The following SLC35F5 variants were observed in gnomAD, a reference collection of about 807,000 sequenced individuals.
The protein encoded by SLC35F5 is HCV NS5A-transactivated protein 3.
A neutral mutation model predicts 68.6 loss-of-function variants in SLC35F5; 54 were observed. The observed-to-expected ratio is 0.79, with a 90% CI of 0.63 to 0.99. SLC35F5 has a LOEUF of 0.99. Among genes scored for constraint, SLC35F5 ranks in the 50% least tolerant of loss-of-function variants. SLC35F5 has a pLI of 0.00. For synonymous variants in SLC35F5, 211 were observed against 205.2 expected (o/e 1.03, Z -0.24); for missense variants, 567 against 626.9 (o/e 0.90, Z 1.02).
At chr2:113,722,400 CA>C (rs1687480557) in intron 13 of SLC35F5, among the ~76,000 whole-genome samples, 1 of 152,146 alleles carries the variant, frequency 6.6e-6, no homozygotes, top group Non-Finnish European at 1.5e-5. Context: ...CACACACACA[CA>C]CACACATACT....
rs571192194 is a variant in SLC35F5 at position 113,726,758 on chromosome 2, C to T, written c.1091-1221G>A. Among the ~76,000 whole-genome samples the T allele has an allele frequency of 3.9e-5, 6 of 152,310 alleles. No homozygotes were observed. The South Asian group carries it at 1.0e-3, about 26-fold the overall frequency. On this transcript the variant is annotated intron_variant, in intron 11 of 15. Coordinates refer to ENST00000245680, the MANE Select transcript of SLC35F5 (RefSeq NM_025181.5). ...CTTTACGAGGCCAGCCATCACGACT[C>T]AAGGCCCAGACATATTAGCTGCTCT... is the stretch of plus-strand genomic sequence containing the variant.
intron 9 of SLC35F5, among the ~76,000 whole-genome samples, chr2:113,733,953 G>A (rs577420166): frequency 4.6e-5 from 7 of 152,114 alleles, no homozygotes; most frequent in Non-Finnish European, 8.8e-5. Context: ...TTTCAATACT[G>A]TCTATGGGCA....
Position 113,714,766 on chromosome 2 carries a change from C to T in SLC35F5, c.*452G>A, listed in dbSNP as rs1203324041. 1 of 152,370 alleles carries T rather than the reference C, an allele frequency of 6.6e-6. No homozygotes were observed. The highest frequency in any genetic ancestry group is 2.4e-5 in the African/African-American group (1 of 41,438). The allele number at this position is 152,370 out of a possible 1,614,324, so 9.4% of individuals were successfully genotyped here. A position where few individuals can be genotyped will look rare whatever the true frequency, so the allele number is the denominator to read the frequency against. ...CTACAAAACCCAAAAATATAATCCA[C>T]ACTTATTACAGGTAGCTTATTTTAG... On this transcript the variant is annotated 3_prime_UTR_variant, in exon 16 of 16. Transcript: ENST00000245680.
chr2:113,723,035 C>T, intron 13 of SLC35F5, 69 bp downstream of exon 13: 7 of 1,056,116 alleles, frequency 6.6e-6, no homozygotes, highest in Non-Finnish European at 8.0e-6. Flanking sequence ...TTAATCACAT[C>T]TCAACTTTCA....
At chr2:113,717,957 G>T (rs1687242809) in intron 14 of SLC35F5, 107 bp from the exon 15 acceptor site, 2 of 667,332 alleles carry the variant, frequency 3.0e-6, no homozygotes, top group East Asian at 5.6e-5. Context: ...ATGCAAGTCA[G>T]TGGCAGAACC....
At chr2:113,720,959 C>T (rs915155339) in intron 13 of SLC35F5, among the ~76,000 whole-genome samples, 1 of 152,040 alleles carries the variant, frequency 6.6e-6, no homozygotes, top group Non-Finnish European at 1.5e-5. Flanking sequence ...TTTATTACAA[C>T]AAAGAAAATT....
chr2:113,734,867 C>T (rs1343597833), intron 8 of SLC35F5, among the ~76,000 whole-genome samples, 194 bp from the exon 9 acceptor site: 2 of 152,110 alleles, frequency 1.3e-5, no homozygotes. Flanking sequence ...ATAAAATAGC[C>T]TCCAAACTAA....
chr2:113,717,019 C>A (rs1374984473), intron 15 of SLC35F5, among the ~76,000 whole-genome samples: 1 of 152,112 alleles, frequency 6.6e-6, no homozygotes, highest in Non-Finnish European at 1.5e-5. Context: ...ATATAAATTG[C>A]CTAAAGATGT....
Position 113,756,631 on chromosome 2 carries a change from G to C in SLC35F5, c.-222C>G, listed in dbSNP as rs1677007658. The stretch of plus-strand genomic sequence containing the variant: ...GGCACAGTCAGCTATGGCCGCGGAG[G>C]CCCGGAGATCTGCTCTGGCCCCGGC... On this transcript the variant is annotated 5_prime_UTR_variant, in exon 1 of 16. Transcript: ENST00000245680. The C allele has an allele frequency of 7.9e-7, 1 of 1,272,048 alleles. No individual in the cohort carries two copies. Among genetic ancestry groups the C allele is most frequent in the Admixed American group, 3.2e-5 (1 of 31,096 alleles). 78.8% of individuals were successfully genotyped at this position (1,272,048 alleles called of 1,614,324 possible). A position where few individuals can be genotyped will look rare whatever the true frequency, so the allele number is the denominator to read the frequency against.
chr2:113,735,438 A>T (rs1436752736), intron 8 of SLC35F5, among the ~76,000 whole-genome samples: 1 of 152,202 alleles, frequency 6.6e-6, no homozygotes, highest in Non-Finnish European at 1.5e-5. Context: ...TAGGCTACCA[A>T]CTTATATGGC....
At chr2:113,735,733 A>G (rs1204222997) in intron 8 of SLC35F5, 44 bp downstream of exon 8, 2 of 1,309,682 alleles carry the variant, frequency 1.5e-6, no homozygotes, top group Non-Finnish European at 1.1e-6. Flanking sequence ...CCAGAAATAC[A>G]TACACTGATT....
At chr2:113,731,847 T>C (rs1687908589) in intron 9 of SLC35F5, among the ~76,000 whole-genome samples, 199 bp from the exon 10 acceptor site, 1 of 152,188 alleles carries the variant, frequency 6.6e-6, no homozygotes, top group South Asian at 2.1e-4. Flanking sequence ...CATTTAATCC[T>C]CACAAAATGT....
chr2:113,727,267 C>T (rs970757690), intron 11 of SLC35F5, among the ~76,000 whole-genome samples: 3 of 152,104 alleles, frequency 2.0e-5, no homozygotes, highest in Admixed American at 1.3e-4. Context: ...GTCAATTAAA[C>T]CTCTTTTGTT....
chr2:113,756,504 A>T lies in SLC35F5; in HGVS notation c.-95T>A, dbSNP rs1676999713. On this transcript the variant is annotated 5_prime_UTR_variant, in exon 1 of 16. Coordinates refer to ENST00000245680, the MANE Select transcript of SLC35F5 (RefSeq NM_025181.5). Reference sequence around the variant, plus strand: ...CGCGCCTGACATCGCGCCGCACTGGAGGCCCAGCTCCTGAAGACGCGGTGC... The same window carrying T: ...CGCGCCTGACATCGCGCCGCACTGGTGGCCCAGCTCCTGAAGACGCGGTGC... 1 of 1,515,324 alleles carries T rather than the reference A, an allele frequency of 6.6e-7. No homozygotes were observed. The highest frequency in any genetic ancestry group is 8.8e-7 in the Non-Finnish European group (1 of 1,135,760). The allele number at this position is 1,515,324 out of a possible 1,614,324, so 93.9% of individuals were successfully genotyped here.
chr2:113,726,744 C>A (rs1241076710), intron 11 of SLC35F5, among the ~76,000 whole-genome samples: 1 of 152,172 alleles, frequency 6.6e-6, no homozygotes, highest in Non-Finnish European at 1.5e-5. Flanking sequence ...TTTACGAGGC[C>A]AGCCATCACG....
At chr2:113,756,023 G>A in intron 1 of SLC35F5, 1 of 1,495,202 alleles carries the variant, frequency 6.7e-7, no homozygotes, top group Non-Finnish European at 8.9e-7. Flanking sequence ...AAAAGAAAAG[G>A]ATTCTCCATG....
In SLC35F5 at chr2:113,737,009, A is replaced by C. The variant is rs372126556; in HGVS notation, c.751-1151T>G. ...CTAGTACACACCTGCCACCTGGTGC[A>C]TAAGTACATGAGTGTCACCAAAGCA... On this transcript the variant is annotated intron_variant, in intron 7 of 15. Transcript: ENST00000245680. Among the ~76,000 whole-genome samples, 92 of 152,352 alleles carry C rather than the reference A, an allele frequency of 6.0e-4. 1 individual carries two copies. The South Asian group carries it at 0.018, about 30-fold the overall frequency.
intron 9 of SLC35F5, chr2:113,733,353 CA>C: frequency 5.6e-6 from 2 of 359,268 alleles, no homozygotes; most frequent in East Asian, 1.2e-4. Flanking sequence ...TGTACTCTGT[CA>C]AAATACTTAC....
intron 9 of SLC35F5, chr2:113,733,275 A>T (rs553488663): frequency 4.2e-6 from 1 of 238,010 alleles, no homozygotes; most frequent in South Asian, 4.7e-5. Flanking sequence ...TTATTTACAA[A>T]ACCAGCAGCT....
Sources: allele counts gnomAD v4.1 joint callset (sites outside exome capture counted in the v4.1 genomes callset), GRCh38; gene constraint gnomAD v4.1.1; transcripts MANE v1.5; gene names NCBI Gene and HGNC (gene_info 2026-07-23, HGNC 2026-07-21).